SCN2A: variants seen among roughly 807,000 people sequenced by gnomAD.
SCN2A encodes the protein sodium channel protein type 2 subunit alpha.
SCN2A carries 20 observed loss-of-function variants against 188.7 expected under a neutral mutation model. The observed-to-expected ratio is 0.11, with a 90% CI of 0.07 to 0.15. The LOEUF is 0.15. Ranked by LOEUF, SCN2A falls within the 10% of genes least tolerant of loss-of-function variation. The pLI is 1.00. For missense variants in SCN2A, 1,278 were observed against 2,445.0 expected (o/e 0.52, Z 10.07); for synonymous variants, 804 against 833.1 (o/e 0.97, Z 0.60).
intron 25 of SCN2A, among the ~76,000 whole-genome samples, chr2:165,381,662 T>C (rs918358688): frequency 1.3e-5 from 2 of 151,996 alleles, no homozygotes; most frequent in African/African-American, 4.8e-5. Context: ...TTTTGCTTTT[T>C]TCTGGTTAAA....
chr2:165,356,274 T>G (rs950860637), intron 17 of SCN2A, among the ~76,000 whole-genome samples: 1 of 152,158 alleles, frequency 6.6e-6, no homozygotes, highest in Admixed American at 6.5e-5. Context: ...GGGCAAAGAA[T>G]TACTTTAATT....
In SCN2A at chr2:165,295,944, C is replaced by T. The variant is rs747086776; in HGVS notation, c.121C>T (p.Arg41Cys). The T allele has an allele frequency of 6.2e-6, 10 of 1,614,038 alleles. No homozygotes were observed. The highest frequency in any genetic ancestry group is 4.5e-5 in the East Asian group (2 of 44,868). The change falls in exon 2 of 27, where the codon CGC becomes TGC. Residue 41 changes from arginine (R) to cysteine (C), a missense_variant. Physicochemically the swap from Arg to Cys is radical, Grantham distance 180. Around this residue, in one of 17 missense-constraint regions of SCN2A, gnomAD observed 141 missense variants for 185.4 expected, o/e 0.76. Coordinates refer to ENST00000375437, the MANE Select transcript of SCN2A (RefSeq NM_001040142.2). Reference protein sequence around the residue: ...EEKAKRPKQERKDEDDENGPK... With the variant: ...EEKAKRPKQECKDEDDENGPK... ...GAAAGCTAAGAGACCCAAACAGGAA[C>T]GCAAGGATGAGGATGATGAAAATGG... is the stretch of plus-strand genomic sequence containing the variant.
intron 8 of SCN2A, among the ~76,000 whole-genome samples, chr2:165,312,595 A>G (rs529703224): frequency 6.6e-6 from 1 of 152,194 alleles, no homozygotes; most frequent in Admixed American, 6.5e-5. Flanking sequence ...TCGTTTCCTT[A>G]TATGACAAAT....
At chr2:165,370,508 C>A in intron 20 of SCN2A, 1 of 500,782 alleles carries the variant, frequency 2.0e-6, no homozygotes, top group Non-Finnish European at 3.6e-6. Flanking sequence ...TGCCATCATA[C>A]TATACTTATT....
chr2:165,373,439 G>T (rs888685539), intron 21 of SCN2A, 92 bp downstream of exon 21: 3 of 1,444,664 alleles, frequency 2.1e-6, no homozygotes, highest in African/African-American at 1.4e-5. Flanking sequence ...TGGAGAATTT[G>T]TGTCTTACAC....
rs891928470 is a variant in SCN2A at position 165,273,223 on chromosome 2, T to C, written c.-51-22550T>C. On this transcript the variant is annotated intron_variant, in intron 1 of 26. Transcript: ENST00000375437. ...AAAATAGTCTAGATAGTGTTAATATTGATAGAAATTATAACTAAGGAATAA... is the reference window on the plus strand; with the variant it reads ...AAAATAGTCTAGATAGTGTTAATATCGATAGAAATTATAACTAAGGAATAA... 3.3e-5 allele frequency: 5 copies of C among 152,274 alleles called. No individual in the cohort carries two copies. In the East Asian group the frequency reaches 5.8e-4, roughly 18 times the overall value. The allele number at this position is 152,274 out of a possible 1,614,324, so 9.4% of individuals were successfully genotyped here.
chr2:165,326,194 C>T (rs2105282979), intron 12 of SCN2A, among the ~76,000 whole-genome samples: 1 of 152,214 alleles, frequency 6.6e-6, no homozygotes, highest in Non-Finnish European at 1.5e-5. Context: ...TGTATCATTA[C>T]TAAAAATCAC....
At chr2:165,240,561 T>C (rs1020578724) in intron 1 of SCN2A, among the ~76,000 whole-genome samples, 16 of 152,062 alleles carry the variant, frequency 1.1e-4, no homozygotes, top group African/African-American at 3.4e-4. Flanking sequence ...AACCACTGAT[T>C]TTCATTTAGA....
intron 1 of SCN2A, among the ~76,000 whole-genome samples, chr2:165,295,185 C>T (rs1696439887): frequency 1.3e-5 from 2 of 152,112 alleles, no homozygotes; most frequent in African/African-American, 4.8e-5. Flanking sequence ...TTCCCACTCC[C>T]TTTCTTTCAA....
chr2:165,306,103 T>C (rs1439131691), intron 3 of SCN2A, among the ~76,000 whole-genome samples: 1 of 152,160 alleles, frequency 6.6e-6, no homozygotes, highest in Non-Finnish European at 1.5e-5. Flanking sequence ...GAAAAGTTTG[T>C]TGATTTGGGG....
At chr2:165,342,796 G>A (rs1316357126) in intron 15 of SCN2A, among the ~76,000 whole-genome samples, 3 of 152,182 alleles carry the variant, frequency 2.0e-5, no homozygotes, top group African/African-American at 4.8e-5. Flanking sequence ...GCATAACTGC[G>A]TACAAAGCTT....
intron 1 of SCN2A, chr2:165,271,634 T>C (rs1695109012): frequency 6.6e-6 from 1 of 152,110 alleles, no homozygotes; most frequent in African/African-American, 2.4e-5. Flanking sequence ...TTACTTTGAG[T>C]TTTGACAAAT....
Position 165,391,145 on chromosome 2 carries a change from A to T in SCN2A, c.*1321A>T, listed in dbSNP as rs915554957. ...TCCTTCCACTGTTCAGAAGTCTAAT[A>T]TGGGAAGCCATATATCAGTGGTAAA... On this transcript the variant is annotated 3_prime_UTR_variant, in exon 27 of 27. Coordinates refer to ENST00000375437, the MANE Select transcript of SCN2A (RefSeq NM_001040142.2). The T allele has an allele frequency of 1.3e-5, 2 of 152,524 alleles. No individual in the cohort carries two copies. Among genetic ancestry groups the T allele is most frequent in the Non-Finnish European group, 2.9e-5 (2 of 67,992 alleles). The allele number at this position is 152,524 out of a possible 1,614,324, so 9.4% of individuals were successfully genotyped here.
chr2:165,271,106 C>A (rs1303924628), intron 1 of SCN2A: 1 of 152,048 alleles, frequency 6.6e-6, no homozygotes, highest in Non-Finnish European at 1.5e-5. Flanking sequence ...ACAGATAAAT[C>A]GGGTACTACC....
At chr2:165,360,328 C>T (rs1700398807) in intron 17 of SCN2A, among the ~76,000 whole-genome samples, 2 of 151,868 alleles carry the variant, frequency 1.3e-5, no homozygotes, top group South Asian at 4.1e-4. Flanking sequence ...ATTCATCTGG[C>T]ACATTCATAT....
At chr2:165,349,261 T>C (rs1176535890) in intron 16 of SCN2A, among the ~76,000 whole-genome samples, 1 of 152,214 alleles carries the variant, frequency 6.6e-6, no homozygotes, top group African/African-American at 2.4e-5. Context: ...TTAAGAAATA[T>C]AAGTTTGGGA....
At chr2:165,319,678 G>C (rs755762047) in intron 11 of SCN2A, among the ~76,000 whole-genome samples, 3 of 152,166 alleles carry the variant, frequency 2.0e-5, no homozygotes, top group Non-Finnish European at 2.9e-5. Context: ...CAAGCAAAGA[G>C]AGAGTGAAAG....
At chr2:165,259,763 A>G (rs1260336606) in intron 1 of SCN2A, among the ~76,000 whole-genome samples, 5 of 152,204 alleles carry the variant, frequency 3.3e-5, no homozygotes, top group East Asian at 1.9e-4. Context: ...ACTGGAATCA[A>G]CTTCTTCCAA....
Position 165,389,748 on chromosome 2 carries a change from C to G in SCN2A, c.5942C>G (p.Pro1981Arg), listed in dbSNP as rs752211376. ...CCCTCGTATGATAGTGTGACCAAAC[C>G]AGAAAAAGAAAAATTTGAAAAAGAC... ...SPPSYDSVTKPEKEKFEKDKS... is the reference protein window; with the variant it reads ...SPPSYDSVTKREKEKFEKDKS... Residue 1981 changes from proline (P) to arginine (R), a missense_variant, in exon 27 of 27, where the codon CCA becomes CGA. Pro to Arg is a moderately radical substitution (Grantham distance 103). Coordinates refer to ENST00000375437, the MANE Select transcript of SCN2A (RefSeq NM_001040142.2). The surrounding 1 kb of genome is among the most constrained non-coding windows in gnomAD (Gnocchi z 4.2). 4 of 1,612,972 alleles carry G rather than the reference C, an allele frequency of 2.5e-6. No individual in the cohort carries two copies. The highest frequency in any genetic ancestry group is 3.4e-6 in the Non-Finnish European group (4 of 1,179,684).
Sources: allele counts gnomAD v4.1 joint callset (sites outside exome capture counted in the v4.1 genomes callset), GRCh38; gene constraint gnomAD v4.1.1; regional missense constraint gnomAD v4.1.1; non-coding constraint Gnocchi (gnomAD v3.1); transcripts MANE v1.5; gene names NCBI Gene and HGNC (gene_info 2026-07-23, HGNC 2026-07-21).